The following ART3 variants were observed in gnomAD, a reference collection of about 807,000 sequenced individuals.
The protein encoded by ART3 is ADP-ribosyltransferase 3 (inactive), also known as ecto-ADP-ribosyltransferase 3.
Under a neutral mutation model 48.5 loss-of-function variants are expected in ART3, and 49 were observed. The ratio of observed to expected loss-of-function variants is 1.01; its 90% CI spans 0.80 to 1.28. ART3 has a LOEUF of 1.28. ART3 is among the 50% of genes most tolerant of loss of function. The pLI, the probability that ART3 is intolerant of heterozygous loss-of-function variation, is 0.00. For synonymous variants in ART3, 145 were observed against 157.2 expected (o/e 0.92, Z 0.58); for missense variants, 438 against 454.3 (o/e 0.96, Z 0.33).
intron 2 of ART3, among the ~76,000 whole-genome samples, chr4:76,078,407 T>C (rs1252999591): frequency 6.6e-6 from 1 of 152,174 alleles, no homozygotes; most frequent in Admixed American, 6.5e-5. Flanking sequence ...GTCTTGAAGA[T>C]AAATCAGGCA....
chr4:76,049,906 T>G (rs1578323966), intron 1 of ART3, among the ~76,000 whole-genome samples: 1 of 151,346 alleles, frequency 6.6e-6, no homozygotes, highest in Non-Finnish European at 1.5e-5. Context: ...TTCCTTCTGA[T>G]GTTTGGATGT....
At chr4:76,012,015 AAC>A (rs1288790661) in intron 1 of ART3, 1 of 152,234 alleles carries the variant, frequency 6.6e-6, no homozygotes, top group African/African-American at 2.4e-5. Context: ...AGTTGAAATC[AAC>A]AGTTACCAAT....
At chr4:76,101,772 A>T (rs1331998606) in intron 8 of ART3, among the ~76,000 whole-genome samples, 1 of 152,148 alleles carries the variant, frequency 6.6e-6, no homozygotes, top group Non-Finnish European at 1.5e-5. Flanking sequence ...AATTACTCAG[A>T]TGTCCTCAAG....
In ART3 at chr4:76,099,035, C is replaced by T. The variant is rs1726661443; in HGVS notation, c.847+48C>T. 7.8e-6 allele frequency: 12 copies of T among 1,544,390 alleles called. No homozygotes were observed. In the East Asian group the frequency reaches 2.7e-4, roughly 35 times the overall value. On this transcript the variant is annotated intron_variant, in intron 5 of 11. Coordinates refer to ENST00000355810, the MANE Select transcript of ART3 (RefSeq NM_001130016.3). ...AAATAATCTTGGTTGGGCATGGTGG[C>T]TCACGCCTGTAATCCCAGCGCTTTG...
intron 1 of ART3, among the ~76,000 whole-genome samples, chr4:76,040,537 A>ACAG (rs1413520604): frequency 1.2e-4 from 3 of 25,394 alleles, no homozygotes; most frequent in Admixed American, 6.7e-4. Context: ...CGCCCCCTCC[A>ACAG]TGTGTCAGGG....
Position 76,021,951 on chromosome 4 carries a change from G to T in ART3, c.-10+10631G>T. 3 of 1,610,462 alleles carry T rather than the reference G, an allele frequency of 1.9e-6. No homozygotes were observed. In the African/African-American group the frequency reaches 4.0e-5, roughly 21 times the overall value. On this transcript the variant is annotated intron_variant, in intron 1 of 9. Coordinates refer to the ART3 transcript ENST00000341029. ...GGTTTTAAGGAGATCTTTTAGACCT[G>T]TAAGAAGAGAAAGGGGATATAAAAG...
intron 1 of ART3, among the ~76,000 whole-genome samples, chr4:76,058,848 G>T (rs146309322): frequency 1.7e-4 from 26 of 152,292 alleles, no homozygotes; most frequent in African/African-American, 6.0e-4. Flanking sequence ...AGAATGATTT[G>T]TGAATTGGGT....
In ART3 at chr4:76,082,230, CTG is replaced by C. The variant is rs771401030; in HGVS notation, c.479_480del (p.Val160GlyfsTer3). ...AAACCTTGTGAGGCCAGTTCCAAAA[CTG>C]TGGTATATAGAACAAGCCAGGGCAC... On this transcript the variant is annotated frameshift_variant, in exon 3 of 12. Transcript: ENST00000355810. LOFTEE classifies it high-confidence loss of function. 15 of 1,614,058 alleles carry C rather than the reference CTG, an allele frequency of 9.3e-6. No homozygotes were observed. The East Asian group carries it at 3.1e-4, about 34-fold the overall frequency.
At chr4:76,023,229 T>C in intron 1 of ART3, 1 of 669,008 alleles carries the variant, frequency 1.5e-6, no homozygotes, top group Non-Finnish European at 2.6e-6. Context: ...AGTTTTATGA[T>C]CTGAGGGAAT....
chr4:76,108,516 G>T lies in ART3; in HGVS notation c.1036+723G>T, dbSNP rs1374604652. On this transcript the variant is annotated intron_variant, in intron 11 of 11. Transcript: ENST00000355810. ...ATGGTCCAGAACTAGAGCACTGCAG[G>T]ATATCTATCCCTCTACCTCCACTCC... Among the ~76,000 whole-genome samples, 6 of 151,780 alleles carry T rather than the reference G, an allele frequency of 4.0e-5. No individual in the cohort carries two copies. In the East Asian group the frequency reaches 1.2e-3, roughly 29 times the overall value.
intron 1 of ART3, chr4:76,021,779 T>G: frequency 1.3e-6 from 1 of 748,960 alleles, no homozygotes; most frequent in Non-Finnish European, 2.4e-6. Flanking sequence ...AGCAGCTGAT[T>G]TGGTGACCAT....
chr4:76,025,967 C>G (rs377382071), intron 1 of ART3, among the ~76,000 whole-genome samples: 1 of 152,112 alleles, frequency 6.6e-6, no homozygotes, highest in Non-Finnish European at 1.5e-5. Context: ...GATCACGTCA[C>G]TCTTCTGCTT....
chr4:76,099,878 T>C (rs1342829311), intron 5 of ART3, among the ~76,000 whole-genome samples: 2 of 152,222 alleles, frequency 1.3e-5, no homozygotes, highest in Non-Finnish European at 2.9e-5. Flanking sequence ...ATTTATTTCA[T>C]GTTTGGGAAA....
upstream of ART3, among the ~76,000 whole-genome samples, chr4:76,071,250 A>G (rs570541253): frequency 5.9e-5 from 9 of 152,100 alleles, no homozygotes; most frequent in East Asian, 5.8e-4. Context: ...AGGCAGGAGA[A>G]TCGCTTGAAC....
chr4:76,027,125 C>T (rs899908661), intron 1 of ART3, among the ~76,000 whole-genome samples: 3 of 151,910 alleles, frequency 2.0e-5, no homozygotes, highest in African/African-American at 4.8e-5. Context: ...TGGTGGTGGG[C>T]GACTGTAATC....
At chr4:76,023,426 A>T in intron 1 of ART3, 4 of 1,613,944 alleles carry the variant, frequency 2.5e-6, no homozygotes, top group African/African-American at 1.3e-5. Flanking sequence ...TGGCAGTTTG[A>T]TTCATGGTGC....
intron 8 of ART3, among the ~76,000 whole-genome samples, chr4:76,102,689 AT>A (rs1727612753): frequency 7.8e-6 from 1 of 128,220 alleles, no homozygotes; most frequent in African/African-American, 2.5e-5. Context: ...ATGTATATAT[AT>A]GTATGCATAG....
At chr4:76,054,771 T>C (rs4401475) in intron 1 of ART3, among the ~76,000 whole-genome samples, 89,108 of 152,012 alleles carry the variant, frequency 0.59, 26,974 homozygotes, top group East Asian at 0.94. Flanking sequence ...GAGATCAAGG[T>C]TGCAATGAGC....
At chr4:76,071,143 A>C (rs1305188940), upstream of ART3, among the ~76,000 whole-genome samples, 1 of 152,074 alleles carries the variant, frequency 6.6e-6, no homozygotes, top group Non-Finnish European at 1.5e-5. Flanking sequence ...TGAGGCCAAG[A>C]ATTCAAGACC....
Sources: gnomAD v4.1 joint callset for allele counts (sites outside exome capture counted in the v4.1 genomes callset) on GRCh38, gnomAD v4.1.1 for gene constraint, MANE v1.5 for transcripts, NCBI Gene and HGNC (gene_info 2026-07-23, HGNC 2026-07-21) for gene names.